KCND3: variants seen among roughly 807,000 people sequenced by gnomAD.
KCND3 encodes A-type voltage-gated potassium channel KCND3.
A neutral mutation model predicts 51.1 loss-of-function variants in KCND3; 9 were observed. The ratio of observed to expected loss-of-function variants is 0.18; its 90% confidence interval spans 0.11 to 0.31. The LOEUF is 0.31. Among genes scored for constraint, KCND3 ranks in the 10% least tolerant of loss-of-function variants. The pLI is 1.00. For synonymous variants in KCND3, 349 were observed against 368.0 expected (o/e 0.95, Z 0.59); for missense variants, 526 against 903.8 (o/e 0.58, Z 5.36).
chr1:111,855,088 C>A (rs1432404952), intron 2 of KCND3, among the ~76,000 whole-genome samples: 1 of 152,230 alleles, frequency 6.6e-6, no homozygotes, highest in African/African-American at 2.4e-5. Flanking sequence ...GCTCTCACCA[C>A]CCCCTGGGGT....
chr1:111,799,754 TGACATG>T (rs1352834202), intron 2 of KCND3, among the ~76,000 whole-genome samples: 1 of 152,168 alleles, frequency 6.6e-6, no homozygotes, highest in Non-Finnish European at 1.5e-5. Context: ...AAAAACACAC[TGACATG>T]GATGAATACA....
At position 111,963,063 on chromosome 1, in the gene KCND3, T is replaced by C. The variant is rs551483513; in HGVS notation, c.1106+18558A>G. 2.9e-4 allele frequency among the ~76,000 whole-genome samples: 44 copies of C among 152,260 alleles called. 1 individual carries two copies. In the South Asian group the frequency reaches 9.1e-3, roughly 32 times the overall value. ...GAGATCTTGAGCAGGCCACCAGATA[T>C]GTGATTGAGGCCATCCTAGACCACC... is the stretch of plus-strand genomic sequence containing the variant. On this transcript the variant is annotated intron_variant, in intron 2 of 7. Transcript: ENST00000302127.
At chr1:111,801,645 A>G (rs921964471) in intron 2 of KCND3, among the ~76,000 whole-genome samples, 6 of 152,190 alleles carry the variant, frequency 3.9e-5, no homozygotes, top group Non-Finnish European at 8.8e-5. Context: ...ATATATGGCC[A>G]CCAGGTGTCC....
chr1:111,894,744 G>C (rs1378341262), intron 2 of KCND3, among the ~76,000 whole-genome samples: 1 of 152,190 alleles, frequency 6.6e-6, no homozygotes, highest in Non-Finnish European at 1.5e-5. Flanking sequence ...TGTAGAGAAG[G>C]GGAGATGCTC....
At chr1:111,911,391 A>G (rs1162868011) in intron 2 of KCND3, among the ~76,000 whole-genome samples, 1 of 152,246 alleles carries the variant, frequency 6.6e-6, no homozygotes, top group Non-Finnish European at 1.5e-5. Context: ...TGGGGCCTGG[A>G]GACCCTAGGA....
chr1:111,987,776 G>A (rs547030411), intron 1 of KCND3, among the ~76,000 whole-genome samples: 3 of 152,336 alleles, frequency 2.0e-5, no homozygotes, highest in South Asian at 2.1e-4. Context: ...TTACTAGGAC[G>A]TGGACGCCTT....
At chr1:111,789,445 C>T (rs1042112004) in intron 2 of KCND3, among the ~76,000 whole-genome samples, 3 of 152,214 alleles carry the variant, frequency 2.0e-5, no homozygotes, top group African/African-American at 7.2e-5. Context: ...AGTAAATTTA[C>T]ATCACAGGCC....
At chr1:111,960,042 GA>G (rs67327865) in intron 2 of KCND3, among the ~76,000 whole-genome samples, 23,352 of 142,202 alleles carry the variant, frequency 0.16, 2,263 homozygotes, top group Admixed American at 0.24. Flanking sequence ...TGGAAAAAAA[GA>G]AAAAAAAAAA....
chr1:111,795,034 G>T (rs536304080), intron 2 of KCND3, among the ~76,000 whole-genome samples: 1 of 152,346 alleles, frequency 6.6e-6, no homozygotes, highest in South Asian at 2.1e-4. Flanking sequence ...TAGAGAGCAA[G>T]GGAGGAGAAC....
At chr1:111,953,914 C>T (rs540294416) in intron 2 of KCND3, among the ~76,000 whole-genome samples, 1 of 152,312 alleles carries the variant, frequency 6.6e-6, no homozygotes, top group South Asian at 2.1e-4. Context: ...TCACTCTCTA[C>T]CCTTTCCTAG....
Position 111,982,471 on chromosome 1 carries a change from G to C in KCND3, c.256C>G (p.Arg86Gly), listed in dbSNP as rs754042199. ...NEDTKEYFFDRDPEVFRCVLN... is the reference protein window; with the variant it reads ...NEDTKEYFFDGDPEVFRCVLN... ...ACGCAGCGGAACACCTCGGGGTCCC[G>C]GTCGAAGAAGTACTCCTTGGTGTCC... The change falls in exon 2 of 8, where the codon CGG becomes GGG. Residue 86 changes from arginine to glycine, a missense_variant. Around this residue, in one of 5 missense-constraint regions of KCND3, gnomAD observed 159 missense variants for 262.8 expected, o/e 0.61. Transcript: ENST00000302127. This position sits in a 1 kb window ranked among gnomAD's most constrained non-coding sequence, Gnocchi z 8.5. 10 of 1,611,442 alleles carry C rather than the reference G, an allele frequency of 6.2e-6. No individual in the cohort carries two copies. Among genetic ancestry groups the C allele is most frequent in the Non-Finnish European group, 6.8e-6 (8 of 1,178,044 alleles).
chr1:111,876,069 C>T (rs867324466), intron 2 of KCND3, among the ~76,000 whole-genome samples: 3 of 152,178 alleles, frequency 2.0e-5, no homozygotes, highest in African/African-American at 4.8e-5. Flanking sequence ...CTACTCAACT[C>T]GCAGGGAAAC....
intron 2 of KCND3, among the ~76,000 whole-genome samples, chr1:111,961,323 G>T (rs922933244): frequency 1.3e-5 from 2 of 152,234 alleles, no homozygotes; most frequent in Admixed American, 6.5e-5. Flanking sequence ...GGTCTTTGTT[G>T]AATATGTCCA....
At chr1:111,936,418 A>G (rs1162508763) in intron 2 of KCND3, among the ~76,000 whole-genome samples, 1 of 152,218 alleles carries the variant, frequency 6.6e-6, no homozygotes, top group Admixed American at 6.5e-5. Context: ...GGCTTCCTGC[A>G]AGAGGGTCTG....
intron 2 of KCND3, among the ~76,000 whole-genome samples, chr1:111,973,993 G>A (rs185532491): frequency 5.3e-4 from 81 of 152,246 alleles, no homozygotes; most frequent in Non-Finnish European, 9.0e-4. Flanking sequence ...ACACTCATTC[G>A]AGTCCTGACA....
At chr1:111,866,834 A>C (rs1234795507) in intron 2 of KCND3, among the ~76,000 whole-genome samples, 1 of 152,156 alleles carries the variant, frequency 6.6e-6, no homozygotes, top group African/African-American at 2.4e-5. Flanking sequence ...TTTGATTTCT[A>C]AATCAGGTCT....
intron 2 of KCND3, among the ~76,000 whole-genome samples, chr1:111,897,568 G>A (rs112456577): frequency 2.6e-5 from 4 of 152,356 alleles, no homozygotes; most frequent in African/African-American, 7.2e-5. Flanking sequence ...GTCTAGCTGG[G>A]TATGTGGGTT....
chr1:111,908,951 C>CT (rs34151345), intron 2 of KCND3, among the ~76,000 whole-genome samples: 60,854 of 131,234 alleles, frequency 0.46, 14,267 homozygotes, highest in African/African-American at 0.54. Context: ...GGTCTCATGC[C>CT]TTTTTTTTTT....
At chr1:111,922,436 T>A (rs1671513730) in intron 2 of KCND3, among the ~76,000 whole-genome samples, 1 of 152,236 alleles carries the variant, frequency 6.6e-6, no homozygotes, top group Non-Finnish European at 1.5e-5. Context: ...TGTACTTTTA[T>A]TCATTCATTC....
Sources: gnomAD v4.1 joint callset for allele counts (sites outside exome capture counted in the v4.1 genomes callset) on GRCh38, gnomAD v4.1.1 for gene constraint, gnomAD v4.1.1 regional missense constraint, Gnocchi (gnomAD v3.1) non-coding constraint, MANE v1.5 for transcripts, NCBI Gene and HGNC (gene_info 2026-07-23, HGNC 2026-07-21) for gene names.